Variants in CHN2 observed in about 807,000 individuals in gnomAD.
The protein encoded by CHN2 is chimerin 2.
Under a neutral mutation model 56.3 loss-of-function variants are expected in CHN2, and 35 were observed. The observed-to-expected ratio is 0.62, with a 90% CI of 0.47 to 0.82. The LOEUF is 0.82. Among genes scored for constraint, CHN2 ranks in the 40% least tolerant of loss-of-function variants. CHN2 has a pLI of 0.00. For missense variants in CHN2, 491 were observed against 580.5 expected (o/e 0.85, Z 1.58); for synonymous variants, 210 against 212.8 (o/e 0.99, Z 0.12).
At chr7:29,217,787 T>G (rs905911194) in intron 1 of CHN2, among the ~76,000 whole-genome samples, 34 of 152,160 alleles carry the variant, frequency 2.2e-4, no homozygotes, top group African/African-American at 7.2e-4. Flanking sequence ...TCTGATAATT[T>G]GCCATCTCAG....
At chr7:29,498,757 C>CTTTTTTT (rs1314383132) in intron 8 of CHN2, among the ~76,000 whole-genome samples, 1 of 103,674 alleles carries the variant, frequency 9.6e-6, no homozygotes, top group African/African-American at 5.1e-5. Context: ...GACTATGCTG[C>CTTTTTTT]CTTTTTTTTT....
At chr7:29,451,857 T>A (rs1024129415) in intron 6 of CHN2, among the ~76,000 whole-genome samples, 1 of 152,142 alleles carries the variant, frequency 6.6e-6, no homozygotes, top group African/African-American at 2.4e-5. Flanking sequence ...CCCATTCCAG[T>A]GCTTTTTTAG....
At chr7:29,209,201 C>G (rs372341291) in intron 1 of CHN2, among the ~76,000 whole-genome samples, 15 of 152,012 alleles carry the variant, frequency 9.9e-5, no homozygotes, top group African/African-American at 3.1e-4. Flanking sequence ...GAGGCCTGAA[C>G]GGAACAGGGT....
intron 1 of CHN2, among the ~76,000 whole-genome samples, chr7:29,259,652 G>A (rs1789384999): frequency 6.6e-6 from 1 of 152,038 alleles, no homozygotes; most frequent in Non-Finnish European, 1.5e-5. Context: ...ATATAGCATG[G>A]TGACTATAAT....
intron 2 of CHN2, among the ~76,000 whole-genome samples, chr7:29,149,049 C>A (rs1793187515): frequency 6.6e-6 from 1 of 152,060 alleles, no homozygotes; most frequent in Non-Finnish European, 1.5e-5. Context: ...CTGTGCGACA[C>A]CAGGCGTGTT....
chr7:29,485,847 G>T (rs1300607996), intron 7 of CHN2, among the ~76,000 whole-genome samples: 1 of 152,040 alleles, frequency 6.6e-6, no homozygotes, highest in Non-Finnish European at 1.5e-5. Flanking sequence ...TCTGTTCCCA[G>T]CCTCTCCAGT....
intron 1 of CHN2, among the ~76,000 whole-genome samples, chr7:29,221,685 C>G (rs1312241417): frequency 6.6e-6 from 1 of 152,174 alleles, no homozygotes; most frequent in East Asian, 1.9e-4. Context: ...TTGTTCAGCT[C>G]CTATTTAAAA....
Position 29,232,138 on chromosome 7 carries a change from T to G in CHN2, c.49+37148T>G, listed in dbSNP as rs954688366. On this transcript the variant is annotated intron_variant, in intron 1 of 12. Transcript: ENST00000222792. ...CCAGAGAGGAAATTCCTCTTTGGAT[T>G]TGTAAACAGACTTGTAAACCTAGGA... Among the ~76,000 whole-genome samples, 5 of 152,302 alleles carry G rather than the reference T, an allele frequency of 3.3e-5. No homozygotes were observed. In the South Asian group the frequency reaches 6.2e-4, roughly 19 times the overall value.
At chr7:29,467,734 T>C (rs1785654877) in intron 6 of CHN2, among the ~76,000 whole-genome samples, 1 of 152,186 alleles carries the variant, frequency 6.6e-6, no homozygotes, top group African/African-American at 2.4e-5. Context: ...TTATTAGCTG[T>C]GCAAGCTTGC....
chr7:29,161,694 A>T (rs1452761797), intron 2 of CHN2, among the ~76,000 whole-genome samples: 1 of 152,238 alleles, frequency 6.6e-6, no homozygotes, highest in Non-Finnish European at 1.5e-5. Context: ...ATACTTAAAA[A>T]TTAAAAACTT....
chr7:29,426,809 A>C (rs1191639584), intron 6 of CHN2, among the ~76,000 whole-genome samples: 1 of 152,020 alleles, frequency 6.6e-6, no homozygotes, highest in African/African-American at 2.4e-5. Context: ...TATTGGCTGG[A>C]TTCATTTCCT....
chr7:29,326,528 A>G (rs188600519), intron 1 of CHN2, among the ~76,000 whole-genome samples: 53 of 152,306 alleles, frequency 3.5e-4, no homozygotes, highest in Non-Finnish European at 6.9e-4. Flanking sequence ...GTGGAGAGAC[A>G]TCCTGTCCTC....
rs538392948 is a variant in CHN2, at chr7:29,245,721, A to G, written c.49+50731A>G. Among the ~76,000 whole-genome samples the G allele has an allele frequency of 2.6e-5, 4 of 152,282 alleles. No homozygotes were observed. The East Asian group carries it at 5.8e-4, about 22-fold the overall frequency. ...AACCTGAGCTAATTACAGGACTGAC[A>G]TTGCCTCCCTGGTGGGGACTGTATG... On this transcript the variant is annotated intron_variant, in intron 1 of 12. Coordinates refer to ENST00000222792, the MANE Select transcript of CHN2 (RefSeq NM_004067.4).
chr7:29,402,972 C>T (rs762582902), intron 6 of CHN2, among the ~76,000 whole-genome samples: 7 of 152,060 alleles, frequency 4.6e-5, no homozygotes, highest in East Asian at 1.9e-4. Context: ...TTTTGGGAAA[C>T]GGTAAATCAA....
chr7:29,155,179 A>G lies in CHN2; in HGVS notation c.274+8219A>G, dbSNP rs185351274. Among the ~76,000 whole-genome samples the G allele has an allele frequency of 4.3e-3, 659 of 152,298 alleles. 6 individuals are homozygous for G. The highest frequency in any genetic ancestry group is 0.015 in the African/African-American group (620 of 41,572). On this transcript the variant is annotated intron_variant, in intron 2 of 6. Transcript: ENST00000439384. The stretch of plus-strand genomic sequence containing the variant: ...ATTTGGGTGGGGACACAGCCAAACC[A>G]TATCACTCCATCTCAAAAAAATAAA...
intron 1 of CHN2, among the ~76,000 whole-genome samples, chr7:29,230,899 A>G (rs1004165556): frequency 1.3e-5 from 2 of 152,178 alleles, no homozygotes; most frequent in Non-Finnish European, 1.5e-5. Context: ...TTTACCTATT[A>G]TAAAGTGCAT....
intron 1 of CHN2, among the ~76,000 whole-genome samples, chr7:29,254,750 C>G (rs1378413743): frequency 6.6e-6 from 1 of 152,190 alleles, no homozygotes; most frequent in Non-Finnish European, 1.5e-5. Context: ...TGTACAGCCA[C>G]TGCTTGGCAC....
intron 6 of CHN2, among the ~76,000 whole-genome samples, chr7:29,451,997 G>A (rs1479551846): frequency 1.3e-5 from 2 of 152,236 alleles, no homozygotes; most frequent in African/African-American, 2.4e-5. Flanking sequence ...GTGGAGGACA[G>A]CAGGGTCCTT....
At chr7:29,261,595 G>A (rs1353525625) in intron 1 of CHN2, among the ~76,000 whole-genome samples, 1 of 152,140 alleles carries the variant, frequency 6.6e-6, no homozygotes, top group East Asian at 1.9e-4. Context: ...TTAGGACTTT[G>A]CCTTATACTG....
Sources: allele counts gnomAD v4.1 joint callset (sites outside exome capture counted in the v4.1 genomes callset), GRCh38; gene constraint gnomAD v4.1.1; transcripts MANE v1.5; gene names NCBI Gene and HGNC (gene_info 2026-07-23, HGNC 2026-07-21).